Variants in RWDD4 observed in about 807,000 individuals in gnomAD.
The protein encoded by RWDD4 is RWD domain-containing protein 4.
In RWDD4, 16 loss-of-function variants were observed where a neutral mutation model predicts 30.0. That is an observed-to-expected ratio of 0.53 (90% CI 0.36 to 0.81). RWDD4 has a LOEUF of 0.81. Ranked by LOEUF, RWDD4 falls within the 30% of genes least tolerant of loss-of-function variation. The pLI is 0.00. For missense variants in RWDD4, 170 were observed against 223.9 expected (o/e 0.76, Z 1.54); for synonymous variants, 45 against 72.1 (o/e 0.62, Z 1.90).
chr4:183,643,716 A>T (rs1364543116), intron 7 of RWDD4, among the ~76,000 whole-genome samples: 3 of 151,866 alleles, frequency 2.0e-5, no homozygotes, highest in Non-Finnish European at 2.9e-5. Context: ...CAGGAGTTGG[A>T]GACCAGCCTG....
chr4:183,646,852 G>T (rs940089893), intron 5 of RWDD4, among the ~76,000 whole-genome samples: 1 of 152,180 alleles, frequency 6.6e-6, no homozygotes, highest in African/African-American at 2.4e-5. Flanking sequence ...TCATGCATTT[G>T]CATGAAGCTA....
intron 2 of RWDD4, among the ~76,000 whole-genome samples, chr4:183,653,071 G>A (rs1303311714): frequency 6.6e-6 from 1 of 152,130 alleles, no homozygotes. Flanking sequence ...TAGTTTTCTT[G>A]TATAATGTCC....
intron 7 of RWDD4, among the ~76,000 whole-genome samples, chr4:183,645,539 GT>G (rs1351830532): frequency 6.6e-6 from 1 of 151,096 alleles, no homozygotes; most frequent in Non-Finnish European, 1.5e-5. Flanking sequence ...TGAGGCCGAG[GT>G]AGCAGGATCA....
chr4:183,648,985 T>C (rs1452017284), intron 5 of RWDD4, among the ~76,000 whole-genome samples: 1 of 152,144 alleles, frequency 6.6e-6, no homozygotes, highest in Admixed American at 6.5e-5. Context: ...ATATTTTCAG[T>C]ATACATATGT....
chr4:183,652,872 G>A (rs1249222138), intron 2 of RWDD4, among the ~76,000 whole-genome samples: 7 of 148,494 alleles, frequency 4.7e-5, no homozygotes, highest in East Asian at 3.9e-4. Flanking sequence ...AGCTACAGGC[G>A]TGTGCCCCAT....
chr4:183,657,282 G>A (rs574205140), intron 1 of RWDD4, among the ~76,000 whole-genome samples: 16 of 152,142 alleles, frequency 1.1e-4, no homozygotes, highest in African/African-American at 3.6e-4. Context: ...AATTCAAGCC[G>A]GATTCAAGAA....
chr4:183,646,593 T>A lies in RWDD4; in HGVS notation c.482-56A>T. The A allele has an allele frequency of 4.0e-6, 6 of 1,492,498 alleles. No individual in the cohort carries two copies. The South Asian group carries it at 6.0e-5, about 15-fold the overall frequency. 92.5% of individuals were successfully genotyped at this position (1,492,498 alleles called of 1,614,324 possible). On this transcript the variant is annotated intron_variant, in intron 5 of 7. Coordinates refer to ENST00000326397, the MANE Select transcript of RWDD4 (RefSeq NM_152682.4). Reference sequence around the variant, plus strand: ...TAAGACCAACCAGCTAGTTTTATAATAATTAAGATTTTATATACTACTGTA... The same window carrying A: ...TAAGACCAACCAGCTAGTTTTATAAAAATTAAGATTTTATATACTACTGTA...
intron 1 of RWDD4, among the ~76,000 whole-genome samples, chr4:183,657,899 T>G (rs1222326320): frequency 6.6e-6 from 1 of 152,196 alleles, no homozygotes; most frequent in Non-Finnish European, 1.5e-5. Context: ...TCTGATTCAG[T>G]AGGTCTGGGG....
At position 183,646,633 on chromosome 4, in the gene RWDD4, TA is replaced by T. The variant is rs1733971219; in HGVS notation, c.482-97del. ...ATACTACTGTACACAACAAATAGGT[TA>T]AAAATTTAAATGACATATTACTAAG... On this transcript the variant is annotated intron_variant, in intron 5 of 7. Coordinates refer to ENST00000326397, the MANE Select transcript of RWDD4 (RefSeq NM_152682.4). 3.9e-6 allele frequency: 4 copies of T among 1,027,424 alleles called. 1 individual carries two copies. The Admixed American group carries it at 1.1e-4, about 28-fold the overall frequency. The allele number at this position is 1,027,424 out of a possible 1,614,324, so 63.6% of individuals were successfully genotyped here.
intron 5 of RWDD4, among the ~76,000 whole-genome samples, chr4:183,649,217 C>T (rs1579126886): frequency 1.3e-5 from 2 of 152,114 alleles, no homozygotes; most frequent in Non-Finnish European, 2.9e-5. Context: ...AGTTCGAGAC[C>T]AGCCTGGCCA....
At chr4:183,643,901 A>G (rs1733917207) in intron 7 of RWDD4, among the ~76,000 whole-genome samples, 2 of 152,164 alleles carry the variant, frequency 1.3e-5, no homozygotes, top group South Asian at 4.1e-4. Flanking sequence ...CTGGGCAACA[A>G]GTGCGAAACT....
rs569582631 is a variant in RWDD4, at chr4:183,659,074, C to G, written c.-122G>C. The G allele has an allele frequency of 9.6e-6, 7 of 729,752 alleles. No homozygotes were observed. The highest frequency in any genetic ancestry group is 9.4e-6 in the Non-Finnish European group (5 of 530,244). 45.2% of individuals were successfully genotyped at this position (729,752 alleles called of 1,614,324 possible). On this transcript the variant is annotated 5_prime_UTR_variant, in exon 1 of 8. Transcript: ENST00000326397. ...GCCTCGGCTGTGGGGGCGGCACAGT[C>G]TTGGCACTGGCAGACGCCAACTGCG...
At chr4:183,642,185 A>ATTTTT (rs1009902870) in intron 7 of RWDD4, among the ~76,000 whole-genome samples, 2 of 97,150 alleles carry the variant, frequency 2.1e-5, no homozygotes, top group African/African-American at 5.2e-5. Flanking sequence ...CATTCTTAAA[A>ATTTTT]TTTTTTTTTT....
At chr4:183,641,501 T>C in intron 7 of RWDD4, 33 bp from the exon 8 acceptor site, 3 of 1,537,540 alleles carry the variant, frequency 2.0e-6, no homozygotes, top group Non-Finnish European at 1.8e-6. Flanking sequence ...AGTCAACAAG[T>C]GGTATTTTCT....
Position 183,641,502 on chromosome 4 carries a change from G to T in RWDD4, c.535-34C>A, listed in dbSNP as rs780931063. 1.4e-5 allele frequency: 21 copies of T among 1,538,550 alleles called. No homozygotes were observed. In the East Asian group the frequency reaches 4.7e-4, roughly 35 times the overall value. On this transcript the variant is annotated intron_variant, in intron 7 of 7. Transcript: ENST00000326397. ...AAAAGAGAGAAAATAGTCAACAAGT[G>T]GTATTTTCTGAGTTCACTATTTCCA... is the stretch of plus-strand genomic sequence containing the variant.
At chr4:183,645,731 G>A (rs1307514326) in intron 7 of RWDD4, among the ~76,000 whole-genome samples, 1 of 152,092 alleles carries the variant, frequency 6.6e-6, no homozygotes, top group Non-Finnish European at 1.5e-5. Context: ...CCACCAGCTA[G>A]CCTGGGTGAC....
intron 5 of RWDD4, among the ~76,000 whole-genome samples, chr4:183,648,884 T>C (rs770730460): frequency 5.9e-5 from 9 of 152,078 alleles, no homozygotes; most frequent in Non-Finnish European, 1.2e-4. Context: ...TTTGCTGTTG[T>C]TGCCCAGGCT....
chr4:183,650,811 C>A (rs895084478), intron 4 of RWDD4, among the ~76,000 whole-genome samples, 173 bp downstream of exon 4: 1 of 152,110 alleles, frequency 6.6e-6, no homozygotes, highest in African/African-American at 2.4e-5. Context: ...ATATCATTTT[C>A]TAGGTTAAAT....
intron 7 of RWDD4, among the ~76,000 whole-genome samples, chr4:183,646,124 G>A (rs1476621636): frequency 2.6e-5 from 4 of 152,068 alleles, no homozygotes; most frequent in South Asian, 4.1e-4. Flanking sequence ...AGCTAGTCTC[G>A]AACTCCTGAC....
Sources: allele counts gnomAD v4.1 joint callset (sites outside exome capture counted in the v4.1 genomes callset), GRCh38; gene constraint gnomAD v4.1.1; transcripts MANE v1.5; gene names NCBI Gene and HGNC (gene_info 2026-07-23, HGNC 2026-07-21).